Variants in HTR1F observed in about 807,000 individuals in gnomAD.
The protein encoded by HTR1F is 5-hydroxytryptamine (serotonin) receptor 1F, G protein-coupled.
Under a neutral mutation model 24.0 loss-of-function variants are expected in HTR1F, and 17 were observed. That is an observed-to-expected ratio of 0.71 (90% CI 0.48 to 1.06). The LOEUF is 1.06. Ranked by LOEUF, HTR1F falls within the 50% of genes least tolerant of loss-of-function variation. HTR1F has a pLI of 0.00. For synonymous variants in HTR1F, 186 were observed against 156.8 expected, an observed-to-expected ratio of 1.19 and a Z score of -1.39; for missense variants, 391 against 427.8, an observed-to-expected ratio of 0.91 and a Z score of 0.76.
At chr3:87,958,216 G>C (rs1704985834) in intron 2 of HTR1F, among the ~76,000 whole-genome samples, 4 of 151,362 alleles carry the variant, frequency 2.6e-5, no homozygotes, top group Admixed American at 2.6e-4. Flanking sequence ...CAGTTGTTGG[G>C]TATTCTAAAT....
chr3:87,933,851 G>A (rs1013311305), intron 2 of HTR1F, among the ~76,000 whole-genome samples: 3 of 152,114 alleles, frequency 2.0e-5, no homozygotes, highest in Admixed American at 2.0e-4. Flanking sequence ...TTCCATTCCA[G>A]GTTTTTGAAA....
At chr3:87,892,716 G>A (rs1318585447) in intron 2 of HTR1F, among the ~76,000 whole-genome samples, 1 of 152,006 alleles carries the variant, frequency 6.6e-6, no homozygotes, top group African/African-American at 2.4e-5. Flanking sequence ...ATGTTCAAAT[G>A]CATAAAACAC....
At chr3:87,954,933 A>G (rs1192915479) in intron 2 of HTR1F, among the ~76,000 whole-genome samples, 1 of 151,346 alleles carries the variant, frequency 6.6e-6, no homozygotes, top group Non-Finnish European at 1.5e-5. Context: ...GGTGTCTCCA[A>G]GATAAACTTG....
At chr3:87,827,116 T>G (rs1704480486) in intron 2 of HTR1F, among the ~76,000 whole-genome samples, 1 of 151,060 alleles carries the variant, frequency 6.6e-6, no homozygotes, top group South Asian at 2.1e-4. Flanking sequence ...CATTATTTTC[T>G]TTCTTTCTTT....
At chr3:87,839,085 C>G (rs1472668707) in intron 2 of HTR1F, among the ~76,000 whole-genome samples, 1 of 139,004 alleles carries the variant, frequency 7.2e-6, no homozygotes, top group Non-Finnish European at 1.6e-5. Flanking sequence ...TTTTCTTTTG[C>G]TTGTGCTTTG....
At chr3:87,816,633 T>C (rs2107112175) in intron 1 of HTR1F, among the ~76,000 whole-genome samples, 1 of 152,168 alleles carries the variant, frequency 6.6e-6, no homozygotes, top group Admixed American at 6.5e-5. Flanking sequence ...ATTTTACAGC[T>C]CTTATTTGTA....
chr3:87,908,376 A>G (rs1246138641), intron 2 of HTR1F, among the ~76,000 whole-genome samples: 1 of 152,014 alleles, frequency 6.6e-6, no homozygotes, highest in Admixed American at 6.6e-5. Flanking sequence ...GCAGCTAGCT[A>G]GAGTCAGCTG....
At chr3:87,800,779 A>C (rs780576176) in intron 1 of HTR1F, among the ~76,000 whole-genome samples, 2 of 152,198 alleles carry the variant, frequency 1.3e-5, no homozygotes, top group Non-Finnish European at 2.9e-5. Context: ...TTTTCTGGAA[A>C]TCACCTCAAA....
At chr3:87,881,681 C>G (rs1001300508) in intron 2 of HTR1F, among the ~76,000 whole-genome samples, 1 of 152,172 alleles carries the variant, frequency 6.6e-6, no homozygotes, top group Non-Finnish European at 1.5e-5. Context: ...AAGTGGATCC[C>G]TTCCTTACAC....
intron 2 of HTR1F, among the ~76,000 whole-genome samples, chr3:87,930,373 G>A (rs1300240232): frequency 1.3e-5 from 2 of 152,156 alleles, no homozygotes; most frequent in South Asian, 2.1e-4. Context: ...GTTTTCAAGG[G>A]AAATGCTTCC....
chr3:87,928,329 G>A (rs1440165685), intron 2 of HTR1F, among the ~76,000 whole-genome samples: 2 of 152,098 alleles, frequency 1.3e-5, no homozygotes, highest in Non-Finnish European at 2.9e-5. Context: ...ACAGGCACGA[G>A]CCACCACGCT....
At chr3:87,902,421 A>G (rs1706345398) in intron 2 of HTR1F, among the ~76,000 whole-genome samples, 1 of 152,148 alleles carries the variant, frequency 6.6e-6, no homozygotes, top group African/African-American at 2.4e-5. Flanking sequence ...GTCAATTCCA[A>G]GTAGATCGTA....
In HTR1F at chr3:87,823,516, A is replaced by ATTTTT. The variant is rs199538588; in HGVS notation, c.-43+1404_-43+1408dup. On this transcript the variant is annotated intron_variant, in intron 2 of 2. Transcript: ENST00000319595. The stretch of plus-strand genomic sequence containing the variant: ...CTCAGGTTTTCTCAACTGGTCCCAT[A>ATTTTT]TTTTTTTTTTTTTTTTGAGACACGG... 3.7e-3 allele frequency among the ~76,000 whole-genome samples: 513 copies of ATTTTT among 139,328 alleles called. 11 individuals are homozygous for ATTTTT. Among genetic ancestry groups the ATTTTT allele is most frequent in the African/African-American group, 0.013 (493 of 37,834 alleles). The allele number at this position is 139,328 out of a possible 152,430, so 91.4% of individuals were successfully genotyped here. A position where few individuals can be genotyped will look rare whatever the true frequency, so the allele number is the denominator to read the frequency against.
chr3:87,886,071 C>T (rs1204916914), intron 2 of HTR1F, among the ~76,000 whole-genome samples: 6 of 152,186 alleles, frequency 3.9e-5, no homozygotes, highest in Non-Finnish European at 5.9e-5. Flanking sequence ...CCCTGATGCA[C>T]ATCGATGCTA....
intron 2 of HTR1F, among the ~76,000 whole-genome samples, chr3:87,838,546 C>T (rs1384074344): frequency 1.3e-5 from 2 of 151,872 alleles, no homozygotes; most frequent in Non-Finnish European, 2.9e-5. Flanking sequence ...CCTTGAGATC[C>T]ATCCAAGTTA....
At chr3:87,811,762 C>T (rs1030755266) in intron 1 of HTR1F, among the ~76,000 whole-genome samples, 5 of 152,112 alleles carry the variant, frequency 3.3e-5, no homozygotes, top group Non-Finnish European at 5.9e-5. Context: ...TCCAGTGATT[C>T]TCATGAGCCG....
At chr3:87,854,051 C>T (rs1200403332) in intron 2 of HTR1F, among the ~76,000 whole-genome samples, 1 of 151,920 alleles carries the variant, frequency 6.6e-6, no homozygotes, top group Non-Finnish European at 1.5e-5. Flanking sequence ...TTTTTAATGT[C>T]ATCATTTTAA....
intron 1 of HTR1F, among the ~76,000 whole-genome samples, chr3:87,809,300 A>G (rs1160662552): frequency 2.6e-5 from 4 of 151,942 alleles, no homozygotes; most frequent in Admixed American, 6.6e-5. Context: ...TTGAATTATT[A>G]TAAATCACTC....
At chr3:87,959,218 T>G (rs987843048) in intron 2 of HTR1F, among the ~76,000 whole-genome samples, 1 of 151,762 alleles carries the variant, frequency 6.6e-6, no homozygotes, top group African/African-American at 2.4e-5. Context: ...AAACCTACTC[T>G]CTGAGACTCA....
Sources: gnomAD v4.1 joint callset for allele counts (sites outside exome capture counted in the v4.1 genomes callset) on GRCh38, gnomAD v4.1.1 for gene constraint, MANE v1.5 for transcripts, NCBI Gene and HGNC (gene_info 2026-07-23, HGNC 2026-07-21) for gene names.